The following RAB8A variants were observed in gnomAD, a reference collection of about 807,000 sequenced individuals.
RAB8A encodes the protein RAB8A, member RAS oncogene family.
A neutral mutation model predicts 29.2 loss-of-function variants in RAB8A; 5 were observed. The observed-to-expected ratio is 0.17, with a 90% CI of 0.09 to 0.36. RAB8A has a LOEUF of 0.36. RAB8A is among the 10% of genes least tolerant of loss of function. RAB8A has a pLI of 1.00. For missense variants in RAB8A, 171 were observed against 272.2 expected (o/e 0.63, Z 2.62); for synonymous variants, 108 against 99.9 (o/e 1.08, Z -0.49).
chr19:16,121,984 A>ATGTACAT, intron 3 of RAB8A, 174 bp downstream of exon 3: 1 of 584,068 alleles, frequency 1.7e-6, no homozygotes, highest in East Asian at 2.8e-5. Flanking sequence ...GCCTACCCCC[A>ATGTACAT]TGTACATACC....
chr19:16,129,720 A>G (rs920411770), intron 7 of RAB8A, 116 bp downstream of exon 7: 32 of 1,011,110 alleles, frequency 3.2e-5, no homozygotes, highest in Non-Finnish European at 4.6e-5. Context: ...GCCAGACCCC[A>G]TGGGACATTG....
In RAB8A at chr19:16,128,498, C is replaced by T. The variant is rs559036885; in HGVS notation, c.480+407C>T. Among the ~76,000 whole-genome samples, 228 of 152,310 alleles carry T rather than the reference C, an allele frequency of 1.5e-3. 1 individual carries two copies. Among genetic ancestry groups the T allele is most frequent in the African/African-American group, 4.7e-3 (195 of 41,566 alleles). ...AGGGAGCCCTGATGGGACCTGGGCC[C>T]ATGCCACCCTCCCCTCTCCACGGGG... On this transcript the variant is annotated intron_variant, in intron 6 of 7. Transcript: ENST00000300935.
At chr19:16,124,961 G>C (rs970046548) in intron 3 of RAB8A, 1 of 201,536 alleles carries the variant, frequency 5.0e-6, no homozygotes, top group Non-Finnish European at 1.0e-5. Flanking sequence ...TCCCTCTGTG[G>C]TGGGGTCACT....
intron 1 of RAB8A, among the ~76,000 whole-genome samples, chr19:16,114,267 T>TA (rs1192365488): frequency 1.3e-5 from 2 of 151,414 alleles, no homozygotes; most frequent in East Asian, 1.9e-4. Flanking sequence ...GACCCTGTCT[T>TA]AAAAAATAAT....
At chr19:16,113,212 G>T (rs896989608) in intron 1 of RAB8A, among the ~76,000 whole-genome samples, 1 of 152,154 alleles carries the variant, frequency 6.6e-6, no homozygotes, top group East Asian at 1.9e-4. Context: ...GAGCTCTGTA[G>T]CCCTGCTAGG....
At chr19:16,126,836 A>G (rs1329081187) in intron 4 of RAB8A, 2 of 152,238 alleles carry the variant, frequency 1.3e-5, no homozygotes, top group Non-Finnish European at 2.9e-5. Flanking sequence ...TGTCTCTACT[A>G]AAAATACAAA....
intron 6 of RAB8A, among the ~76,000 whole-genome samples, 178 bp from the exon 7 acceptor site, chr19:16,129,376 C>T (rs544110750): frequency 2.6e-5 from 4 of 151,960 alleles, no homozygotes; most frequent in Non-Finnish European, 5.9e-5. Context: ...CAGAGGGAGC[C>T]GGGGAAGGAT....
In RAB8A at chr19:16,125,407, G is replaced by T; in HGVS notation, c.247-63G>T. The T allele has an allele frequency of 6.9e-7, 1 of 1,446,158 alleles. No homozygotes were observed. The allele number at this position is 1,446,158 out of a possible 1,614,324, so 89.6% of individuals were successfully genotyped here. On this transcript the variant is annotated intron_variant, in intron 3 of 7. Coordinates refer to ENST00000300935, the MANE Select transcript of RAB8A (RefSeq NM_005370.5). The surrounding 1 kb of genome is among the most constrained non-coding windows in gnomAD (Gnocchi z 5.0). The stretch of plus-strand genomic sequence containing the variant: ...CTCCCCACCACTGTTCTCTGGTGCC[G>T]CTGAGGCCTCCCTTCCAGAGCCTGC...
Position 16,132,594 on chromosome 19 carries a change from G to A in RAB8A, c.*290G>A. 1 of 400,480 alleles carries A rather than the reference G, an allele frequency of 2.5e-6. No individual in the cohort carries two copies. The highest frequency in any genetic ancestry group is 4.6e-6 in the Non-Finnish European group (1 of 215,096). 24.8% of individuals were successfully genotyped at this position (400,480 alleles called of 1,614,324 possible). A position where few individuals can be genotyped will look rare whatever the true frequency, so the allele number is the denominator to read the frequency against. ...AGAGAGAGAGAGGGAGTCAAGGTGTGACCGTCGACCACAGCCAGTGTCAGG... is the reference window on the plus strand; with the variant it reads ...AGAGAGAGAGAGGGAGTCAAGGTGTAACCGTCGACCACAGCCAGTGTCAGG... On this transcript the variant is annotated 3_prime_UTR_variant, in exon 8 of 8. Coordinates refer to ENST00000300935, the MANE Select transcript of RAB8A (RefSeq NM_005370.5). This position sits in a 1 kb window ranked among gnomAD's most constrained non-coding sequence, Gnocchi z 5.6.
chr19:16,132,278 A>G lies in RAB8A; in HGVS notation c.598A>G (p.Ser200Gly), dbSNP rs1321147098. The G allele has an allele frequency of 6.2e-7, 1 of 1,614,084 alleles. No homozygotes were observed. Among genetic ancestry groups the G allele is most frequent in the East Asian group, 2.2e-5 (1 of 44,862 alleles). Residue 200 changes from serine to glycine, a missense_variant, in exon 8 of 8, where the codon AGC (serine) becomes GGC (glycine). Ser to Gly is a moderately conservative substitution (Grantham distance 56, BLOSUM62 0). Around this residue, in one of 3 missense-constraint regions of RAB8A, gnomAD observed 145 missense variants for 212.8 expected, o/e 0.68. Transcript: ENST00000300935. This position sits in a 1 kb window ranked among gnomAD's most constrained non-coding sequence, Gnocchi z 5.6. ...KITPDQQKRS[S>G]FFRCVLL ...CACACCGGACCAGCAGAAGAGGAGC[A>G]GCTTTTTCCGATGTGTTCTTCTGTG...
In RAB8A at chr19:16,128,218, C is replaced by A. The variant is rs2144995574; in HGVS notation, c.480+127C>A. 1.0e-6 allele frequency: 1 copy of A among 992,528 alleles called. No homozygotes were observed. The highest frequency in any genetic ancestry group is 1.5e-5 in the South Asian group (1 of 66,494). 61.5% of individuals were successfully genotyped at this position (992,528 alleles called of 1,614,324 possible). A position where few individuals can be genotyped will look rare whatever the true frequency, so the allele number is the denominator to read the frequency against. On this transcript the variant is annotated intron_variant, in intron 6 of 7. Coordinates refer to ENST00000300935, the MANE Select transcript of RAB8A (RefSeq NM_005370.5). ...CAGCCTCGGGCTCAGGGCTGCCAGT[C>A]AGTCCTCTGAGGGACATTTCCTGGG... is the stretch of plus-strand genomic sequence containing the variant.
chr19:16,113,921 G>A (rs1443820930), intron 1 of RAB8A, among the ~76,000 whole-genome samples: 1 of 152,090 alleles, frequency 6.6e-6, no homozygotes, highest in Non-Finnish European at 1.5e-5. Flanking sequence ...ACAACCAGAG[G>A]CTATCTAGAG....
intron 7 of RAB8A, among the ~76,000 whole-genome samples, chr19:16,130,571 A>G (rs2144997784): frequency 6.6e-6 from 1 of 152,232 alleles, no homozygotes; most frequent in African/African-American, 2.4e-5. Context: ...GACCAACAAT[A>G]ATTTGGGATT....
chr19:16,115,853 G>C (rs2090843957), intron 1 of RAB8A, among the ~76,000 whole-genome samples: 1 of 152,168 alleles, frequency 6.6e-6, no homozygotes, highest in South Asian at 2.1e-4. Flanking sequence ...CCAGTGCTGG[G>C]GCTGGATGGA....
chr19:16,130,785 G>C (rs2090921443), intron 7 of RAB8A, among the ~76,000 whole-genome samples: 2 of 151,784 alleles, frequency 1.3e-5, no homozygotes, highest in East Asian at 3.9e-4. Flanking sequence ...CAAGTAGCTG[G>C]GGCTATAAGC....
In RAB8A at chr19:16,113,059, T is replaced by C. The variant is rs75908791; in HGVS notation, c.124+1034T>C. Among the ~76,000 whole-genome samples the C allele has an allele frequency of 5.7e-3, 870 of 152,326 alleles. 14 individuals carry two copies. Among genetic ancestry groups the C allele is most frequent in the African/African-American group, 0.02 (819 of 41,572 alleles). ...GCTTTTCCTGTAGGGCCAGCCCACA[T>C]TGTGGTTGAACAGAATTGGCTTGGT... On this transcript the variant is annotated intron_variant, in intron 1 of 7. Coordinates refer to ENST00000300935, the MANE Select transcript of RAB8A (RefSeq NM_005370.5).
In RAB8A at chr19:16,130,658, A is replaced by G. The variant is rs547750708; in HGVS notation, c.531+1054A>G. Among the ~76,000 whole-genome samples the G allele has an allele frequency of 2.6e-5, 4 of 152,170 alleles. No individual in the cohort carries two copies. In the East Asian group the frequency reaches 7.7e-4, roughly 29 times the overall value. On this transcript the variant is annotated intron_variant, in intron 7 of 7. Transcript: ENST00000300935. ...CTTTTAGTTTTCTTATTAGTTAAAA[A>G]AGAGATTTTTTTTTTAGAGTCTCAC...
intron 3 of RAB8A, among the ~76,000 whole-genome samples, chr19:16,123,294 A>G (rs1386378572): frequency 6.6e-6 from 1 of 152,196 alleles, no homozygotes; most frequent in Admixed American, 6.5e-5. Flanking sequence ...GCATGTGGCT[A>G]TTTGAATTTA....
rs1444635793 is a variant in RAB8A at position 16,132,376 on chromosome 19, G to C, written c.*72G>C. The C allele has an allele frequency of 7.3e-6, 11 of 1,496,620 alleles. No individual in the cohort carries two copies. Among genetic ancestry groups the C allele is most frequent in the African/African-American group, 6.9e-5 (5 of 71,966 alleles). The allele number at this position is 1,496,620 out of a possible 1,614,324, so 92.7% of individuals were successfully genotyped here. On this transcript the variant is annotated 3_prime_UTR_variant, in exon 8 of 8. Coordinates refer to ENST00000300935, the MANE Select transcript of RAB8A (RefSeq NM_005370.5). This position sits in a 1 kb window ranked among gnomAD's most constrained non-coding sequence, Gnocchi z 5.6. Reference sequence around the variant, plus strand: ...CTGTTCTGAGTGAGCCCCTCACTCAGCCGGGGCCCTCCCACCTCCAACGCC... The same window carrying C: ...CTGTTCTGAGTGAGCCCCTCACTCACCCGGGGCCCTCCCACCTCCAACGCC...
Sources: allele counts gnomAD v4.1 joint callset (sites outside exome capture counted in the v4.1 genomes callset), GRCh38; gene constraint gnomAD v4.1.1; regional missense constraint gnomAD v4.1.1; non-coding constraint Gnocchi (gnomAD v3.1); transcripts MANE v1.5; gene names NCBI Gene and HGNC (gene_info 2026-07-23, HGNC 2026-07-21).